Variants in TNNI3K observed in about 807,000 individuals in gnomAD.
TNNI3K encodes TNNI3 interacting kinase.
Under a neutral mutation model 114.5 loss-of-function variants are expected in TNNI3K, and 140 were observed. The observed-to-expected ratio is 1.22, with a 90% CI of 1.07 to 1.41. The LOEUF is 1.41. Among genes scored for constraint, TNNI3K ranks in the 40% most tolerant of loss-of-function variants. The pLI, the probability that TNNI3K is intolerant of heterozygous loss-of-function variation, is 0.00. For synonymous variants in TNNI3K, 347 were observed against 347.5 expected, an observed-to-expected ratio of 1.00 and a Z score of 0.02; for missense variants, 1,125 against 1,007.6, an observed-to-expected ratio of 1.12 and a Z score of -1.58.
chr1:74,535,530 C>T (rs1284931882), intron 23 of TNNI3K, among the ~76,000 whole-genome samples: 1 of 152,144 alleles, frequency 6.6e-6, no homozygotes, highest in African/African-American at 2.4e-5. Context: ...TGGGACGTCA[C>T]TTGTCACATC....
intron 20 of TNNI3K, among the ~76,000 whole-genome samples, chr1:74,460,766 G>A (rs1667423459): frequency 6.6e-6 from 1 of 152,230 alleles, no homozygotes; most frequent in African/African-American, 2.4e-5. Context: ...GCACTAATGA[G>A]TAGCATCACT....
intron 23 of TNNI3K, among the ~76,000 whole-genome samples, chr1:74,506,698 CA>C (rs1669920527): frequency 6.6e-6 from 1 of 152,320 alleles, no homozygotes; most frequent in East Asian, 1.9e-4. Context: ...AAGATTTTAA[CA>C]GGCGACTTGC....
At chr1:74,428,843 G>T (rs904377472) in intron 17 of TNNI3K, among the ~76,000 whole-genome samples, 1 of 152,072 alleles carries the variant, frequency 6.6e-6, no homozygotes, top group African/African-American at 2.4e-5. Flanking sequence ...GCTGAGGTGG[G>T]AGGATTGCTT....
chr1:74,247,161 T>C (rs1350426987), intron 2 of TNNI3K, among the ~76,000 whole-genome samples: 1 of 152,124 alleles, frequency 6.6e-6, no homozygotes, highest in Non-Finnish European at 1.5e-5. Flanking sequence ...GTTTGTTCCT[T>C]CTGATGTTTG....
intron 23 of TNNI3K, among the ~76,000 whole-genome samples, chr1:74,503,149 A>C (rs1669720930): frequency 6.6e-6 from 1 of 152,198 alleles, no homozygotes; most frequent in Admixed American, 6.5e-5. Flanking sequence ...CTTTTAGCTG[A>C]CATTTGTGGG....
intron 17 of TNNI3K, among the ~76,000 whole-genome samples, chr1:74,410,203 A>AT (rs1420892862): frequency 1.3e-5 from 2 of 152,120 alleles, no homozygotes; most frequent in Admixed American, 6.6e-5. Context: ...GGAAGTTTCT[A>AT]TTTTTTAATT....
chr1:74,541,058 A>G (rs938348761), intron 24 of TNNI3K, among the ~76,000 whole-genome samples: 1 of 152,154 alleles, frequency 6.6e-6, no homozygotes, highest in Non-Finnish European at 1.5e-5. Flanking sequence ...ATTTTAGCAC[A>G]ATGGGCCCAT....
intron 23 of TNNI3K, among the ~76,000 whole-genome samples, chr1:74,507,113 T>A (rs992629237): frequency 6.6e-6 from 1 of 152,200 alleles, no homozygotes; most frequent in East Asian, 1.9e-4. Context: ...GCAAGATCCC[T>A]GTATTATTCA....
chr1:74,447,172 A>C (rs1666737639), intron 20 of TNNI3K, among the ~76,000 whole-genome samples: 1 of 151,262 alleles, frequency 6.6e-6, no homozygotes, highest in Non-Finnish European at 1.5e-5. Context: ...CCTACCCATG[A>C]GCATGGAATG....
intron 4 of TNNI3K, among the ~76,000 whole-genome samples, chr1:74,268,447 C>T (rs1239652188): frequency 2.0e-4 from 31 of 151,832 alleles, no homozygotes; most frequent in Admixed American, 1.9e-3. Context: ...TTTCTCGCTT[C>T]CAGTACTGGT....
intron 23 of TNNI3K, among the ~76,000 whole-genome samples, chr1:74,521,913 CA>C (rs1570737294): frequency 6.6e-6 from 1 of 152,220 alleles, no homozygotes; most frequent in East Asian, 1.9e-4. Flanking sequence ...CATAACTACT[CA>C]AAAGCCCAGA....
At chr1:74,406,921 C>T (rs1664642223) in intron 17 of TNNI3K, among the ~76,000 whole-genome samples, 1 of 152,188 alleles carries the variant, frequency 6.6e-6, no homozygotes, top group Admixed American at 6.5e-5. Flanking sequence ...TAAAGATGTG[C>T]TCTTTGCCTC....
chr1:74,245,710 A>G (rs1385211134), intron 2 of TNNI3K, among the ~76,000 whole-genome samples: 2 of 152,220 alleles, frequency 1.3e-5, no homozygotes, highest in Admixed American at 1.3e-4. Context: ...GCTATTCTCC[A>G]GGGTACTGCT....
chr1:74,406,308 G>A (rs1002346502), intron 17 of TNNI3K, among the ~76,000 whole-genome samples: 4 of 152,136 alleles, frequency 2.6e-5, no homozygotes, highest in African/African-American at 7.2e-5. Context: ...AAAACATTAC[G>A]AGTTTTTTGT....
intron 20 of TNNI3K, among the ~76,000 whole-genome samples, chr1:74,447,006 A>G (rs546267150): frequency 3.8e-4 from 44 of 115,876 alleles, no homozygotes; most frequent in African/African-American, 1.4e-3. Context: ...TTGGCTTAGG[A>G]TTGACTTGGC....
chr1:74,454,135 T>C (rs538141188), intron 20 of TNNI3K, among the ~76,000 whole-genome samples: 1 of 152,318 alleles, frequency 6.6e-6, no homozygotes, highest in South Asian at 2.1e-4. Context: ...TGTGATGTTT[T>C]GATTCAGGCA....
intron 17 of TNNI3K, among the ~76,000 whole-genome samples, chr1:74,377,940 G>A (rs1274106165): frequency 6.6e-6 from 1 of 151,964 alleles, no homozygotes; most frequent in Non-Finnish European, 1.5e-5. Flanking sequence ...ATATATAAAT[G>A]CCCATATAAA....
rs143397913 is a variant in TNNI3K, at chr1:74,515,274, C to A, written c.2351+23008C>A. On this transcript the variant is annotated intron_variant, in intron 23 of 24. Coordinates refer to ENST00000326637, the MANE Select transcript of TNNI3K (RefSeq NM_015978.3). ...GCTTAGGAAGAAAACAAACTCCAGACTGAATGTTAGGTCAGTGCCCTTCCT... is the reference window on the plus strand; with the variant it reads ...GCTTAGGAAGAAAACAAACTCCAGAATGAATGTTAGGTCAGTGCCCTTCCT... Among the ~76,000 whole-genome samples the A allele has an allele frequency of 2.3e-3, 346 of 152,288 alleles. 1 individual carries two copies. The highest frequency in any genetic ancestry group is 7.6e-3 in the African/African-American group (315 of 41,554).
rs752612432 is a variant in TNNI3K, at chr1:74,436,542, T to G, written c.1878+16T>G. On this transcript the variant is annotated intron_variant, in intron 19 of 24. Transcript: ENST00000326637. ...ACAACCTGGGGTTTGCTGCTGCTTG[T>G]GTTTCCTATAATTATAAACCAATTA... 5.1e-6 allele frequency: 8 copies of G among 1,582,850 alleles called. No individual in the cohort carries two copies. In the African/African-American group the frequency reaches 1.1e-4, roughly 22 times the overall value.
Sources: allele counts gnomAD v4.1 joint callset (sites outside exome capture counted in the v4.1 genomes callset), GRCh38; gene constraint gnomAD v4.1.1; transcripts MANE v1.5; gene names NCBI Gene and HGNC (gene_info 2026-07-23, HGNC 2026-07-21).